Variants in PDE4D observed in about 807,000 individuals in gnomAD.
PDE4D encodes the protein phosphodiesterase 4D.
In PDE4D, 24 loss-of-function variants were observed where a neutral mutation model predicts 87.4. The ratio of observed to expected loss-of-function variants is 0.27; its 90% CI spans 0.20 to 0.39. The LOEUF is 0.39. PDE4D is among the 10% of genes least tolerant of loss of function. The probability of loss-of-function intolerance (pLI) is 1.00; values close to 1 mark genes in which losing one functional copy is unlikely to be tolerated. For missense variants in PDE4D, 714 were observed against 1,041.0 expected, an observed-to-expected ratio of 0.69 and a Z score of 4.32; for synonymous variants, 384 against 383.2, an observed-to-expected ratio of 1.00 and a Z score of -0.02.
At chr5:60,001,990 C>A (rs937488778) in intron 2 of PDE4D, among the ~76,000 whole-genome samples, 8 of 150,240 alleles carry the variant, frequency 5.3e-5, no homozygotes, top group African/African-American at 2.0e-4. Context: ...AAAAAAAGCA[C>A]AAGAACCACA....
At chr5:59,355,418 T>A (rs914963588) in intron 1 of PDE4D, among the ~76,000 whole-genome samples, 1 of 152,124 alleles carries the variant, frequency 6.6e-6, no homozygotes, top group Non-Finnish European at 1.5e-5. Flanking sequence ...TCAGATCTAG[T>A]GATGAAGAGA....
chr5:60,213,305 G>A (rs1562225124), intron 1 of PDE4D, among the ~76,000 whole-genome samples: 1 of 152,168 alleles, frequency 6.6e-6, no homozygotes, highest in South Asian at 2.1e-4. Flanking sequence ...TAGGGGTGTG[G>A]AAATATTAGG....
chr5:59,406,904 A>T (rs769812150), intron 1 of PDE4D, among the ~76,000 whole-genome samples: 31 of 151,970 alleles, frequency 2.0e-4, no homozygotes, highest in Non-Finnish European at 4.1e-4. Context: ...CATCATCATT[A>T]TTTTCATTTG....
chr5:58,990,092 G>A lies in PDE4D; in HGVS notation c.1288-173C>T, dbSNP rs572900778. 3.9e-5 allele frequency among the ~76,000 whole-genome samples: 6 copies of A among 152,234 alleles called. No individual in the cohort carries two copies. The South Asian group carries it at 1.2e-3, about 32-fold the overall frequency. ...ATGGGAACCTCTGAGAAGATCCAGG[G>A]ACTCTGGGACAAAACCAGAGTTGGG... On this transcript the variant is annotated intron_variant, in intron 9 of 14. Coordinates refer to ENST00000340635, the MANE Select transcript of PDE4D (RefSeq NM_001104631.2).
intron 1 of PDE4D, among the ~76,000 whole-genome samples, chr5:59,334,113 C>T (rs1023539537): frequency 2.6e-5 from 4 of 151,764 alleles, no homozygotes; most frequent in Non-Finnish European, 5.9e-5. Context: ...CATTATATCT[C>T]TGAGTGTTTT....
At chr5:60,406,468 A>G (rs1472335321) in intron 1 of PDE4D, among the ~76,000 whole-genome samples, 1 of 152,186 alleles carries the variant, frequency 6.6e-6, no homozygotes, top group Non-Finnish European at 1.5e-5. Flanking sequence ...ATTAATGGGA[A>G]GAGTCCAGGG....
intron 2 of PDE4D, among the ~76,000 whole-genome samples, chr5:59,214,672 AG>A (rs769393390): frequency 1.3e-5 from 2 of 152,230 alleles, no homozygotes; most frequent in Non-Finnish European, 2.9e-5. Context: ...TTCAAATCTA[AG>A]GAAGTGAGAT....
At chr5:59,962,654 A>G (rs563721136) in intron 3 of PDE4D, among the ~76,000 whole-genome samples, 15 of 152,308 alleles carry the variant, frequency 9.8e-5, no homozygotes, top group Admixed American at 9.8e-4. Flanking sequence ...TATCTTCCCA[A>G]TCTCTACATA....
chr5:60,228,632 G>T (rs1745420853), intron 1 of PDE4D, among the ~76,000 whole-genome samples: 1 of 151,848 alleles, frequency 6.6e-6, no homozygotes, highest in South Asian at 2.1e-4. Context: ...GCCAATTCTG[G>T]GTTTAAGGAT....
At chr5:59,351,784 C>A (rs573605812) in intron 1 of PDE4D, among the ~76,000 whole-genome samples, 1 of 152,214 alleles carries the variant, frequency 6.6e-6, no homozygotes, top group African/African-American at 2.4e-5. Flanking sequence ...TATTATTTAA[C>A]AAGTTTATAT....
intron 2 of PDE4D, among the ~76,000 whole-genome samples, chr5:60,077,773 G>T (rs1315985845): frequency 6.6e-6 from 1 of 152,176 alleles, no homozygotes; most frequent in Non-Finnish European, 1.5e-5. Context: ...TCTCTAAGCA[G>T]CTCTCTCTGC....
At chr5:59,320,367 G>A (rs145177845) in intron 1 of PDE4D, among the ~76,000 whole-genome samples, 6 of 151,974 alleles carry the variant, frequency 3.9e-5, no homozygotes, top group African/African-American at 1.2e-4. Flanking sequence ...GGACATCTTC[G>A]GTCCGTTAAG....
chr5:60,185,407 T>G (rs1784702324), intron 2 of PDE4D: 1 of 486,816 alleles, frequency 2.1e-6, no homozygotes, highest in Non-Finnish European at 3.7e-6. Context: ...CTTTGTTTGT[T>G]AATAAGCTGT....
chr5:59,349,573 A>C lies in PDE4D; in HGVS notation c.456-133605T>G, dbSNP rs1012923641. ...CGTTGAAAATCATAAAATCAACATT[A>C]TGAAAATAAATAGTATAAATTTTAT... On this transcript the variant is annotated intron_variant, in intron 1 of 14. Transcript: ENST00000340635. 6.6e-5 allele frequency among the ~76,000 whole-genome samples: 10 copies of C among 152,200 alleles called. No homozygotes were observed. In the East Asian group the frequency reaches 7.7e-4, roughly 12 times the overall value.
intron 3 of PDE4D, among the ~76,000 whole-genome samples, chr5:59,946,649 AG>A (rs2152801899): frequency 6.6e-6 from 1 of 152,364 alleles, no homozygotes; most frequent in African/African-American, 2.4e-5. Context: ...AGCATTTGCC[AG>A]GTTTTAACAG....
chr5:60,055,229 A>AT (rs1362891838), intron 2 of PDE4D, among the ~76,000 whole-genome samples: 1 of 152,110 alleles, frequency 6.6e-6, no homozygotes, highest in Non-Finnish European at 1.5e-5. Flanking sequence ...ATTTAATTAA[A>AT]TATCTGAAAA....
At chr5:59,720,841 T>C (rs1190609683) in intron 1 of PDE4D, among the ~76,000 whole-genome samples, 2 of 152,130 alleles carry the variant, frequency 1.3e-5, no homozygotes, top group Non-Finnish European at 2.9e-5. Flanking sequence ...TGAAATTACA[T>C]AGAGTCTAAA....
At chr5:59,127,797 A>G (rs1385146284) in intron 5 of PDE4D, among the ~76,000 whole-genome samples, 2 of 151,736 alleles carry the variant, frequency 1.3e-5, no homozygotes, top group African/African-American at 4.9e-5. Flanking sequence ...CCTCTTATTC[A>G]CAGTGCCTGG....
At chr5:59,834,071 A>G (rs1201745510) in intron 1 of PDE4D, among the ~76,000 whole-genome samples, 4 of 152,082 alleles carry the variant, frequency 2.6e-5, no homozygotes, top group Admixed American at 2.0e-4. Flanking sequence ...TTAAAGGCTC[A>G]TAATACCAAG....
Sources: gnomAD v4.1 joint callset for allele counts (sites outside exome capture counted in the v4.1 genomes callset) on GRCh38, gnomAD v4.1.1 for gene constraint, MANE v1.5 for transcripts, NCBI Gene and HGNC (gene_info 2026-07-23, HGNC 2026-07-21) for gene names.